The following FCRL2 variants were observed in gnomAD, a reference collection of about 807,000 sequenced individuals.
FCRL2 encodes the protein Fc receptor-like protein 2.
FCRL2 carries 48 observed loss-of-function variants against 59.8 expected under a neutral mutation model. The observed-to-expected ratio is 0.80, with a 90% CI of 0.64 to 1.02. The LOEUF (loss-of-function observed/expected upper bound fraction) is 1.02. Among genes scored for constraint, FCRL2 ranks in the 50% least tolerant of loss-of-function variants. FCRL2 has a pLI of 0.00. For missense variants in FCRL2, 658 were observed against 597.3 expected (o/e 1.10, Z -1.06); for synonymous variants, 251 against 229.5 (o/e 1.09, Z -0.85).
At chr1:157,750,987 C>T (rs1027720862) in intron 7 of FCRL2, among the ~76,000 whole-genome samples, 2 of 151,774 alleles carry the variant, frequency 1.3e-5, no homozygotes, top group African/African-American at 4.8e-5. Context: ...TAATTCATAA[C>T]AAAACTATGA....
intron 7 of FCRL2, among the ~76,000 whole-genome samples, chr1:157,763,564 C>T (rs1649265205): frequency 6.6e-6 from 1 of 152,016 alleles, no homozygotes; most frequent in Admixed American, 6.6e-5. Flanking sequence ...TATTTATAGA[C>T]TCGCTGAATG....
intron 7 of FCRL2, among the ~76,000 whole-genome samples, chr1:157,759,372 C>T (rs1026011607): frequency 1.3e-5 from 2 of 152,126 alleles, no homozygotes; most frequent in Non-Finnish European, 2.9e-5. Flanking sequence ...AAATACCGTT[C>T]TGGACATTGG....
intron 10 of FCRL2, 151 bp downstream of exon 10, chr1:157,748,402 A>C (rs1647915600): frequency 7.0e-6 from 2 of 286,286 alleles, no homozygotes; most frequent in Non-Finnish European, 6.0e-6. Flanking sequence ...CAGCCTGGGC[A>C]ACAGAGCAAG....
At chr1:157,760,719 G>T (rs139534978) in intron 7 of FCRL2, among the ~76,000 whole-genome samples, 11,510 of 138,556 alleles carry the variant, frequency 0.083, 558 homozygotes, top group Middle Eastern at 0.12. Flanking sequence ...AAGAAAGAAA[G>T]AAAGAAAGAA....
At position 157,746,942 on chromosome 1, in the gene FCRL2, A is replaced by G. The variant is rs913101303; in HGVS notation, c.1460-43T>C. The G allele has an allele frequency of 2.5e-6, 4 of 1,601,034 alleles. No homozygotes were observed. In the African/African-American group the frequency reaches 4.0e-5, roughly 16 times the overall value. On this transcript the variant is annotated intron_variant, in intron 10 of 11. Transcript: ENST00000361516. ...ATAGTTCTGAGCTCTTGCATTCTTA[A>G]TTAGGCCTCACTCCCAGACTTTATG...
intron 7 of FCRL2, chr1:157,766,483 A>AT (rs199546197): frequency 7.4e-5 from 15 of 203,266 alleles, no homozygotes; most frequent in South Asian, 2.8e-4. Context: ...AAAAAAAAAA[A>AT]TTTTTTTTGT....
intron 4 of FCRL2, 34 bp downstream of exon 4, chr1:157,769,832 T>C (rs748610291): frequency 1.2e-6 from 2 of 1,600,812 alleles, no homozygotes; most frequent in African/African-American, 2.7e-5. Flanking sequence ...ACTCCTATCT[T>C]TTTTTCTCCA....
intron 7 of FCRL2, among the ~76,000 whole-genome samples, chr1:157,762,861 G>A (rs1649206655): frequency 6.6e-6 from 1 of 152,172 alleles, no homozygotes; most frequent in Admixed American, 6.5e-5. Flanking sequence ...CATAAATAAG[G>A]AGAAATAAAA....
intron 2 of FCRL2, among the ~76,000 whole-genome samples, chr1:157,774,210 A>AT (rs1650239683): frequency 6.6e-6 from 1 of 152,180 alleles, no homozygotes; most frequent in African/African-American, 2.4e-5. Context: ...CATTGAGGCA[A>AT]TGGATGGGGA....
chr1:157,767,624 A>G (rs1438154658), intron 5 of FCRL2, 115 bp from the exon 6 acceptor site: 2 of 1,613,278 alleles, frequency 1.2e-6, no homozygotes, highest in Non-Finnish European at 1.7e-6. Flanking sequence ...CATATTTTCC[A>G]TTCCCACATT....
chr1:157,762,162 G>GACCA (rs2101714509), intron 7 of FCRL2, among the ~76,000 whole-genome samples: 1 of 152,286 alleles, frequency 6.6e-6, no homozygotes, highest in South Asian at 2.1e-4. Context: ...TCCTCCAGGG[G>GACCA]ACCTGAGGTT....
intron 7 of FCRL2, among the ~76,000 whole-genome samples, chr1:157,762,931 A>G (rs1328810602): frequency 6.6e-6 from 1 of 152,224 alleles, no homozygotes; most frequent in South Asian, 2.1e-4. Context: ...CCCTGTAAGA[A>G]ATGCTCAAGG....
rs190606652 is a variant in FCRL2 at position 157,753,494 on chromosome 1, G to A, written c.1280-3817C>T. On this transcript the variant is annotated intron_variant, in intron 7 of 11. Coordinates refer to ENST00000361516, the MANE Select transcript of FCRL2 (RefSeq NM_030764.4). Reference sequence around the variant, plus strand: ...TATACAACCAAATGAAAAAGTTTAGGTAAGACAATGTCTGGAAGTGTACTG... The same window carrying A: ...TATACAACCAAATGAAAAAGTTTAGATAAGACAATGTCTGGAAGTGTACTG... 2.0e-5 allele frequency among the ~76,000 whole-genome samples: 3 copies of A among 152,298 alleles called. No individual in the cohort carries two copies. The East Asian group carries it at 5.8e-4, about 29-fold the overall frequency.
At chr1:157,758,709 T>G (rs1221401000) in intron 7 of FCRL2, among the ~76,000 whole-genome samples, 1 of 128,734 alleles carries the variant, frequency 7.8e-6, no homozygotes, top group Admixed American at 7.9e-5. Context: ...AAAACAAAGC[T>G]GGAGGGCTAA....
rs374260447 is a variant in FCRL2 at position 157,770,463 on chromosome 1, C to T, written c.256G>A (p.Gly86Arg). The T allele has an allele frequency of 3.0e-5, 49 of 1,613,966 alleles. No homozygotes were observed. The highest frequency in any genetic ancestry group is 3.7e-5 in the Non-Finnish European group (44 of 1,179,954). Reference sequence around the variant, plus strand: ...GTTTTATCCCAGAGAAAGAGTTGTCCTTTGGTACTACAGAAATAGTTACCA... The same window carrying T: ...GTTTTATCCCAGAGAAAGAGTTGTCTTTTGGTACTACAGAAATAGTTACCA... ...DSGNYFCSTK[G>R]QLFLWDKTSN... is the part of the protein sequence containing the mutation. Residue 86 changes from glycine to arginine, a missense_variant, in exon 3 of 12, where the codon GGA becomes AGA. Physicochemically the swap from Gly to Arg is moderately radical, Grantham distance 125. Coordinates refer to ENST00000361516, the MANE Select transcript of FCRL2 (RefSeq NM_030764.4).
chr1:157,767,960 G>T (rs1394041268), intron 5 of FCRL2: 3 of 268,978 alleles, frequency 1.1e-5, no homozygotes, highest in Non-Finnish European at 2.1e-5. Context: ...TGGCTACTTG[G>T]CTACAACACC....
intron 8 of FCRL2, 52 bp downstream of exon 8, chr1:157,749,598 C>T: frequency 2.9e-6 from 4 of 1,379,942 alleles, no homozygotes; most frequent in Non-Finnish European, 4.1e-6. Context: ...GTATTTAAAA[C>T]TGAATGAAGG....
rs565518062 is a variant in FCRL2 at position 157,769,706 on chromosome 1, C to T, written c.595+160G>A. 7 of 713,888 alleles carry T rather than the reference C, an allele frequency of 9.8e-6. No individual in the cohort carries two copies. In the South Asian group the frequency reaches 1.1e-4, roughly 12 times the overall value. 44.2% of individuals were successfully genotyped at this position (713,888 alleles called of 1,614,324 possible). ...CCTCCCAAAGTGCTGGGATTACAGG[C>T]GTGAGCCACCGCGCCCGGCCGCAAC... On this transcript the variant is annotated intron_variant, in intron 4 of 11. Coordinates refer to ENST00000361516, the MANE Select transcript of FCRL2 (RefSeq NM_030764.4).
chr1:157,768,753 A>G, intron 4 of FCRL2, 52 bp from the exon 5 acceptor site: 1 of 1,509,612 alleles, frequency 6.6e-7, no homozygotes, highest in Non-Finnish European at 8.9e-7. Flanking sequence ...CTCTGGGAAC[A>G]GGGTTTGACT....
Sources: allele counts gnomAD v4.1 joint callset (sites outside exome capture counted in the v4.1 genomes callset), GRCh38; gene constraint gnomAD v4.1.1; transcripts MANE v1.5; gene names NCBI Gene and HGNC (gene_info 2026-07-23, HGNC 2026-07-21).